The following ATAD3A variants were observed in gnomAD, a reference collection of about 807,000 sequenced individuals.
ATAD3A encodes ATPase family AAA domain-containing protein 3A.
ATAD3A carries 46 observed loss-of-function variants against 73.8 expected under a neutral mutation model. That is an observed-to-expected ratio of 0.62 (90% confidence interval 0.49 to 0.80). The LOEUF (loss-of-function observed/expected upper bound fraction) is 0.80. ATAD3A is among the 30% of genes least tolerant of loss of function. The probability of loss-of-function intolerance (pLI) is 0.00; values close to 1 mark genes in which losing one functional copy is unlikely to be tolerated. For missense variants in ATAD3A, 705 were observed against 838.0 expected (o/e 0.84, Z 1.96); for synonymous variants, 319 against 350.0 (o/e 0.91, Z 0.99).
intron 7 of ATAD3A, among the ~76,000 whole-genome samples, chr1:1,521,252 T>TC (rs1162095066): frequency 8.5e-6 from 1 of 117,954 alleles, no homozygotes; most frequent in Non-Finnish European, 1.6e-5. Context: ...TGAGTCGAGA[T>TC]CACGCTACTG....
At chr1:1,525,006 C>T (rs115433223) in intron 11 of ATAD3A, among the ~76,000 whole-genome samples, 1,658 of 152,300 alleles carry the variant, frequency 0.011, 16 homozygotes, top group Non-Finnish European at 0.018. Flanking sequence ...GGGCGGAGTT[C>T]GTCGCCCCCG....
rs1437183176 is a variant in ATAD3A at position 1,530,636 on chromosome 1, C to T, written c.1614+1305C>T. Among the ~76,000 whole-genome samples, 387 of 122,428 alleles carry T rather than the reference C, an allele frequency of 3.2e-3. 116 individuals are homozygous for T. Among genetic ancestry groups the T allele is most frequent in the African/African-American group, 0.018 (355 of 19,882 alleles). The allele number at this position is 122,428 out of a possible 152,430, so 80.3% of individuals were successfully genotyped here. A position where few individuals can be genotyped will look rare whatever the true frequency, so the allele number is the denominator to read the frequency against. ...CGAGGTCAGGAGATCGAGACCATCC[C>T]GGCTAAAACGGTGAAACCCCGTCTC... On this transcript the variant is annotated intron_variant, in intron 15 of 15. Coordinates refer to ENST00000378756, the MANE Select transcript of ATAD3A (RefSeq NM_001170535.3).
At chr1:1,518,543 C>T (rs1386928212) in intron 4 of ATAD3A, among the ~76,000 whole-genome samples, 4 of 125,748 alleles carry the variant, frequency 3.2e-5, no homozygotes, top group Non-Finnish European at 4.9e-5. Context: ...CACACACATA[C>T]GGGCACACAC....
chr1:1,522,616 TG>T, intron 7 of ATAD3A, 127 bp from the exon 8 acceptor site: 1 of 1,508,888 alleles, frequency 6.6e-7, no homozygotes, highest in Non-Finnish European at 8.9e-7. Flanking sequence ...CGCGTTCCTG[TG>T]GGGCCAGTGC....
At chr1:1,525,143 G>T in intron 11 of ATAD3A, 97 bp from the exon 12 acceptor site, 1 of 1,524,656 alleles carries the variant, frequency 6.6e-7, no homozygotes, top group South Asian at 1.1e-5. Flanking sequence ...ACCCCGTGGG[G>T]ATCTGCCTGC....
intron 1 of ATAD3A, 90 bp from the exon 2 acceptor site, chr1:1,515,922 G>A (rs1641339377): frequency 2.0e-6 from 3 of 1,498,724 alleles, no homozygotes; most frequent in Non-Finnish European, 2.7e-6. Context: ...CGTGGCCGTG[G>A]ATTCCAGAAA....
At chr1:1,532,854 G>T (rs945413542) in intron 15 of ATAD3A, among the ~76,000 whole-genome samples, 7 of 152,022 alleles carry the variant, frequency 4.6e-5, no homozygotes, top group Non-Finnish European at 8.8e-5. Flanking sequence ...CACAGTGGCG[G>T]TGCGGCTCTG....
chr1:1,514,566 C>T (rs1166735547), intron 1 of ATAD3A, among the ~76,000 whole-genome samples: 3 of 152,342 alleles, frequency 2.0e-5, no homozygotes, highest in African/African-American at 7.2e-5. Context: ...TGATGCCCGT[C>T]AGCCCAGTTC....
chr1:1,529,860 G>A (rs1247778656), intron 15 of ATAD3A, among the ~76,000 whole-genome samples: 1 of 152,250 alleles, frequency 6.6e-6, no homozygotes, highest in African/African-American at 2.4e-5. Context: ...TGAGGAGCCA[G>A]GACTCACAGG....
chr1:1,522,545 G>A (rs58447817), intron 7 of ATAD3A, among the ~76,000 whole-genome samples, 199 bp from the exon 8 acceptor site: 3,445 of 152,308 alleles, frequency 0.023, 124 homozygotes, highest in African/African-American at 0.078. Context: ...GAGTGAGGGC[G>A]CTGTGACTGC....
At chr1:1,515,960 C>A in intron 1 of ATAD3A, 52 bp from the exon 2 acceptor site, 3 of 1,606,438 alleles carry the variant, frequency 1.9e-6, no homozygotes, top group South Asian at 1.1e-5. Context: ...CGTGCCTGCC[C>A]AGCGGCATCC....
At chr1:1,516,170 GTAGGGCCGGGGGT>G (rs1356331769) in intron 2 of ATAD3A, 82 bp downstream of exon 2, 14 of 1,594,110 alleles carry the variant, frequency 8.8e-6, no homozygotes, top group Non-Finnish European at 1.0e-5. Context: ...CTGCCGGTGG[GTAGGGCCGGGGGT>G]GTGTACATGG....
chr1:1,522,420 C>G (rs897269475), intron 7 of ATAD3A, among the ~76,000 whole-genome samples: 2 of 152,182 alleles, frequency 1.3e-5, no homozygotes, highest in Non-Finnish European at 2.9e-5. Context: ...TTTTAGTGGC[C>G]AAGAATGTAC....
At chr1:1,518,687 A>ACACC (rs1553125132) in intron 4 of ATAD3A, among the ~76,000 whole-genome samples, 122 of 78,070 alleles carry the variant, frequency 1.6e-3, no homozygotes, top group African/African-American at 6.8e-3. Flanking sequence ...ACACACACAC[A>ACACC]CACCCAAACG....
chr1:1,516,971 C>T (rs1641378950), intron 2 of ATAD3A: 1 of 1,096,206 alleles, frequency 9.1e-7, no homozygotes, highest in Non-Finnish European at 1.3e-6. Flanking sequence ...TTTGGCCTCC[C>T]AAAGTGCTGG....
chr1:1,530,828 CAAAAAA>C lies in ATAD3A; in HGVS notation c.1614+1519_1614+1524del, dbSNP rs1174830616. 9.4e-3 allele frequency among the ~76,000 whole-genome samples: 126 copies of C among 13,402 alleles called. 4 individuals carry two copies. Among genetic ancestry groups the C allele is most frequent in the African/African-American group, 0.087 (108 of 1,244 alleles). 8.8% of individuals were successfully genotyped at this position (13,402 alleles called of 152,430 possible). On this transcript the variant is annotated intron_variant, in intron 15 of 15. Transcript: ENST00000378756. Reference sequence around the variant, plus strand: ...TGGGCGACAGAGCGAGACTCCGTCTCAAAAAAAAAAAAAAAAAAAAAAAAAAACTAA... The same window carrying C: ...TGGGCGACAGAGCGAGACTCCGTCTCAAAAAAAAAAAAAAAAAAAAACTAA...
intron 15 of ATAD3A, among the ~76,000 whole-genome samples, chr1:1,532,292 G>C (rs1642057967): frequency 6.6e-6 from 1 of 152,154 alleles, no homozygotes; most frequent in East Asian, 1.9e-4. Flanking sequence ...TGAGGGTAAT[G>C]CTGGCCTCTT....
rs2100656682 is a variant in ATAD3A at position 1,520,044 on chromosome 1, G to A, written c.515-97G>A. The A allele has an allele frequency of 1.3e-6, 2 of 1,508,216 alleles. No homozygotes were observed. The highest frequency in any genetic ancestry group is 4.9e-5 in the East Asian group (2 of 40,762). The allele number at this position is 1,508,216 out of a possible 1,614,324, so 93.4% of individuals were successfully genotyped here. A position where few individuals can be genotyped will look rare whatever the true frequency, so the allele number is the denominator to read the frequency against. On this transcript the variant is annotated intron_variant, in intron 5 of 15. Transcript: ENST00000378756. This position sits in a 1 kb window ranked among gnomAD's most constrained non-coding sequence, Gnocchi z 4.0. ...TGTCTGTGGCGTTGGTCTGTCCGTG[G>A]CGTGGGCCGGTCCGTGGCGTGGGCC...
intron 14 of ATAD3A, among the ~76,000 whole-genome samples, chr1:1,528,093 G>C (rs1189765237): frequency 6.6e-6 from 1 of 151,624 alleles, no homozygotes; most frequent in South Asian, 2.1e-4. Flanking sequence ...CTGAGTAGCT[G>C]AGATTACAGG....
Sources: allele counts gnomAD v4.1 joint callset (sites outside exome capture counted in the v4.1 genomes callset), GRCh38; gene constraint gnomAD v4.1.1; non-coding constraint Gnocchi (gnomAD v3.1); transcripts MANE v1.5; gene names NCBI Gene and HGNC (gene_info 2026-07-23, HGNC 2026-07-21).